Variants in WASHC4 observed in about 807,000 individuals in gnomAD.
WASHC4 encodes WASH complex subunit 4, also known as WASH complex subunit 7.
A neutral mutation model predicts 166.6 loss-of-function variants in WASHC4; 86 were observed. That is an observed-to-expected ratio of 0.52 (90% CI 0.43 to 0.62). The LOEUF (loss-of-function observed/expected upper bound fraction) is 0.62, where lower values mean the gene tolerates loss of function less well. WASHC4 is among the 20% of genes least tolerant of loss of function. The probability of loss-of-function intolerance (pLI) is 0.00; values close to 1 mark genes in which losing one functional copy is unlikely to be tolerated. For synonymous variants in WASHC4, 446 were observed against 451.6 expected (o/e 0.99, Z 0.16); for missense variants, 1,262 against 1,382.4 (o/e 0.91, Z 1.38).
chr12:105,125,354 G>A (rs146880435), intron 10 of WASHC4, among the ~76,000 whole-genome samples: 218 of 149,626 alleles, frequency 1.5e-3, no homozygotes, highest in African/African-American at 5.1e-3. Context: ...AGTTAGGTAT[G>A]TCATGAATGC....
In WASHC4 at chr12:105,130,002, A is replaced by G. The variant is rs186172111; in HGVS notation, c.1199+2713A>G. Reference sequence around the variant, plus strand: ...AGTAGGTATTCCAGGAACTTGACACATACCTCCTGTAATGATCAGAAAATT... The same window carrying G: ...AGTAGGTATTCCAGGAACTTGACACGTACCTCCTGTAATGATCAGAAAATT... On this transcript the variant is annotated intron_variant, in intron 13 of 32. Transcript: ENST00000332180. Among the ~76,000 whole-genome samples, 1,361 of 152,312 alleles carry G rather than the reference A, an allele frequency of 8.9e-3. 5 individuals carry two copies. Among genetic ancestry groups the G allele is most frequent in the South Asian group, 0.042 (203 of 4,826 alleles).
intron 27 of WASHC4, 46 bp from the exon 28 acceptor site, chr12:105,157,190 C>A: frequency 1.1e-6 from 1 of 948,530 alleles, no homozygotes; most frequent in Non-Finnish European, 1.7e-6. Context: ...GTCAATTGCA[C>A]ATATTTTACT....
In WASHC4 at chr12:105,167,114, A is replaced by G. The variant is rs1884855241; in HGVS notation, c.*183A>G. 1.8e-6 allele frequency: 1 copy of G among 565,076 alleles called. No homozygotes were observed. Among genetic ancestry groups the G allele is most frequent in the East Asian group, 2.9e-5 (1 of 34,052 alleles). 35.0% of individuals were successfully genotyped at this position (565,076 alleles called of 1,614,324 possible). Reference sequence around the variant, plus strand: ...TCTGTTTCCAAAGGCTCTACTTTCAAAGGTTAAGAATGAGATTTTAAAATT... The same window carrying G: ...TCTGTTTCCAAAGGCTCTACTTTCAGAGGTTAAGAATGAGATTTTAAAATT... On this transcript the variant is annotated 3_prime_UTR_variant, in exon 33 of 33. Coordinates refer to ENST00000332180, the MANE Select transcript of WASHC4 (RefSeq NM_015275.3).
At chr12:105,164,388 C>A in intron 31 of WASHC4, 81 bp downstream of exon 31, 3 of 1,253,326 alleles carry the variant, frequency 2.4e-6, no homozygotes, top group Non-Finnish European at 2.3e-6. Flanking sequence ...AAAGCAGAAG[C>A]CATATAGAAA....
intron 30 of WASHC4, 103 bp downstream of exon 30, chr12:105,162,948 T>G: frequency 1.5e-6 from 1 of 661,204 alleles, no homozygotes; most frequent in East Asian, 2.9e-5. Context: ...TTTATAGATT[T>G]TTCTTTCTTT....
intron 10 of WASHC4, 83 bp from the exon 11 acceptor site, chr12:105,125,921 C>A: frequency 7.7e-7 from 1 of 1,299,582 alleles, no homozygotes; most frequent in Non-Finnish European, 1.1e-6. Context: ...ATTTATCATA[C>A]ACTGTATTTA....
chr12:105,157,425 C>T (rs1454500364), intron 28 of WASHC4, 103 bp downstream of exon 28: 3 of 672,774 alleles, frequency 4.5e-6, no homozygotes, highest in African/African-American at 3.6e-5. Context: ...TTTTATTATA[C>T]AAAATTATGG....
intron 12 of WASHC4, 32 bp from the exon 13 acceptor site, chr12:105,127,097 T>A (rs1175564400): frequency 1.9e-6 from 3 of 1,593,756 alleles, no homozygotes; most frequent in Non-Finnish European, 2.6e-6. Flanking sequence ...CTGCATTTAA[T>A]GAATTTTCCC....
chr12:105,116,055 T>C (rs973379008), intron 6 of WASHC4, among the ~76,000 whole-genome samples: 1 of 152,134 alleles, frequency 6.6e-6, no homozygotes, highest in African/African-American at 2.4e-5. Context: ...TAGGAGAGAA[T>C]TAAGCTATTA....
At chr12:105,110,233 A>G (rs1256059612) in intron 1 of WASHC4, among the ~76,000 whole-genome samples, 1 of 152,246 alleles carries the variant, frequency 6.6e-6, no homozygotes, top group Non-Finnish European at 1.5e-5. Flanking sequence ...TTAATACAGC[A>G]TGAGTCAGAA....
intron 28 of WASHC4, 28 bp downstream of exon 28, chr12:105,157,350 G>T (rs1335070396): frequency 1.5e-6 from 2 of 1,296,258 alleles, no homozygotes. Context: ...ATATAAAAAA[G>T]TGTGTTTATA....
In WASHC4 at chr12:105,152,254, AAGG is replaced by A. The variant is rs1883825959; in HGVS notation, c.2650-86_2650-84del. The A allele has an allele frequency of 5.6e-6, 4 of 713,332 alleles. No individual in the cohort carries two copies. The East Asian group carries it at 8.0e-5, about 14-fold the overall frequency. 44.2% of individuals were successfully genotyped at this position (713,332 alleles called of 1,614,324 possible). Reference sequence around the variant, plus strand: ...TAAGCACAATGAAATACAAAATTGAAAGGAGAGTAGTATTGGCATGGTTTATTT... The same window carrying A: ...TAAGCACAATGAAATACAAAATTGAAAGAGTAGTATTGGCATGGTTTATTT... On this transcript the variant is annotated intron_variant, in intron 25 of 32. Coordinates refer to ENST00000332180, the MANE Select transcript of WASHC4 (RefSeq NM_015275.3).
rs1884923795 is a variant in WASHC4, at chr12:105,168,508, TTC to T, written c.*1581_*1582del. The T allele has an allele frequency of 6.6e-6, 1 of 152,462 alleles. No homozygotes were observed. The highest frequency in any genetic ancestry group is 6.5e-5 in the Admixed American group (1 of 15,270). The allele number at this position is 152,462 out of a possible 1,614,324, so 9.4% of individuals were successfully genotyped here. A position where few individuals can be genotyped will look rare whatever the true frequency, so the allele number is the denominator to read the frequency against. ...GTCATTTCATAGCAACAGTATTGTT[TTC>T]TCTGTTTTTCTTCTCTAACTTCTCT... On this transcript the variant is annotated 3_prime_UTR_variant, in exon 33 of 33. Transcript: ENST00000332180.
At chr12:105,144,162 T>G (rs1883096085) in intron 20 of WASHC4, 125 bp from the exon 21 acceptor site, 10 of 722,066 alleles carry the variant, frequency 1.4e-5, no homozygotes, top group Non-Finnish European at 2.1e-5. Flanking sequence ...AATAAAGACT[T>G]AGAATTTATG....
intron 26 of WASHC4, 164 bp from the exon 27 acceptor site, chr12:105,156,562 T>C (rs1884175013): frequency 5.9e-6 from 3 of 512,610 alleles, no homozygotes; most frequent in African/African-American, 1.9e-5. Context: ...TGTAGAAATA[T>C]GTAACAGTTT....
At chr12:105,151,497 T>C (rs1883773016) in intron 25 of WASHC4, among the ~76,000 whole-genome samples, 1 of 152,148 alleles carries the variant, frequency 6.6e-6, no homozygotes, top group Admixed American at 6.5e-5. Flanking sequence ...CTTTTTTTTT[T>C]TTGAGACTGA....
chr12:105,147,625 G>A (rs1440691345), intron 24 of WASHC4: 14 of 995,074 alleles, frequency 1.4e-5, no homozygotes, highest in South Asian at 4.2e-5. Flanking sequence ...GGCATTCACC[G>A]CTTGGCGTGG....
At position 105,167,918 on chromosome 12, in the gene WASHC4, A is replaced by G. The variant is rs1055066184; in HGVS notation, c.*987A>G. 1 of 151,512 alleles carries G rather than the reference A, an allele frequency of 6.6e-6. No individual in the cohort carries two copies. Among genetic ancestry groups the G allele is most frequent in the Non-Finnish European group, 1.5e-5 (1 of 67,226 alleles). The allele number at this position is 151,512 out of a possible 1,614,324, so 9.4% of individuals were successfully genotyped here. ...CATCACTTACTGATTTTAAAAATAC[A>G]GAAAGATTTTGAGTAAATTTTGTGC... On this transcript the variant is annotated 3_prime_UTR_variant, in exon 33 of 33. Transcript: ENST00000332180.
chr12:105,120,216 A>T (rs999920679), intron 7 of WASHC4, among the ~76,000 whole-genome samples: 3 of 152,242 alleles, frequency 2.0e-5, no homozygotes, highest in African/African-American at 4.8e-5. Context: ...CTTTATTCCA[A>T]GATAAATCAT....
Sources: gnomAD v4.1 joint callset for allele counts (sites outside exome capture counted in the v4.1 genomes callset) on GRCh38, gnomAD v4.1.1 for gene constraint, MANE v1.5 for transcripts, NCBI Gene and HGNC (gene_info 2026-07-23, HGNC 2026-07-21) for gene names.